Variants in OPHN1 observed in about 807,000 individuals in gnomAD.
OPHN1 encodes oligophrenin-1.
Under a neutral mutation model 60.7 loss-of-function variants are expected in OPHN1, and 11 were observed. That is an observed-to-expected ratio of 0.18 (90% CI 0.11 to 0.30). OPHN1 has a LOEUF of 0.30. Ranked by LOEUF, OPHN1 falls within the 10% of genes least tolerant of loss-of-function variation. The pLI, the probability that OPHN1 is intolerant of heterozygous loss-of-function variation, is 1.00. For synonymous variants in OPHN1, 226 were observed against 222.6 expected, an observed-to-expected ratio of 1.02 and a Z score of -0.14; for missense variants, 449 against 611.0, an observed-to-expected ratio of 0.73 and a Z score of 2.80.
intron 2 of OPHN1, among the ~76,000 whole-genome samples, chrX:68,379,101 G>T (rs1427207697): frequency 4.5e-5 from 5 of 110,540 alleles, no homozygotes; most frequent in Non-Finnish European, 7.6e-5. Flanking sequence ...TATCCTCTTT[G>T]ATTTCATTGA....
At chrX:68,208,971 G>A (rs1318864515) in intron 9 of OPHN1, among the ~76,000 whole-genome samples, 2 of 112,462 alleles carry the variant, frequency 1.8e-5, no homozygotes, top group African/African-American at 6.5e-5. Flanking sequence ...TGACAAGTGG[G>A]AGAACACATC....
intron 2 of OPHN1, among the ~76,000 whole-genome samples, chrX:68,321,349 G>T (rs1356445674): frequency 8.9e-6 from 1 of 111,932 alleles, no homozygotes; most frequent in Non-Finnish European, 1.9e-5. Context: ...TACATATTTT[G>T]CAATATCACA....
At chrX:68,308,137 C>A (rs763851373) in intron 2 of OPHN1, among the ~76,000 whole-genome samples, 2 of 111,892 alleles carry the variant, frequency 1.8e-5, no homozygotes, top group Admixed American at 1.9e-4. Flanking sequence ...TAACTTGCCT[C>A]CCTGGGCCTC....
At chrX:68,056,068 G>A (rs962208197) in intron 21 of OPHN1, among the ~76,000 whole-genome samples, 2 of 110,541 alleles carry the variant, frequency 1.8e-5, no homozygotes, top group Non-Finnish European at 3.8e-5. Context: ...AAACCTGCAC[G>A]TTGTACACAT....
At chrX:68,112,013 A>G (rs935709868) in intron 17 of OPHN1, 54 bp from the exon 18 acceptor site, 2 of 747,725 alleles carry the variant, frequency 2.7e-6, no homozygotes, top group East Asian at 3.2e-5. Flanking sequence ...AACTGGATTG[A>G]GCAAAATTCT....
chrX:68,397,794 A>G (rs1383427850), intron 2 of OPHN1, among the ~76,000 whole-genome samples: 1 of 110,667 alleles, frequency 9.0e-6, no homozygotes, highest in East Asian at 2.9e-4. Flanking sequence ...AAGTGCTGGG[A>G]TTATAGGCAT....
chrX:68,228,693 C>T (rs1487685571), intron 6 of OPHN1, among the ~76,000 whole-genome samples: 1 of 110,971 alleles, frequency 9.0e-6, no homozygotes, highest in African/African-American at 3.3e-5. Flanking sequence ...CAGAAAAGGC[C>T]TATGACAAAA....
intron 12 of OPHN1, 68 bp downstream of exon 12, chrX:68,197,118 G>A: frequency 2.6e-6 from 2 of 762,959 alleles, no homozygotes; most frequent in Non-Finnish European, 4.1e-6. Flanking sequence ...GAGACCCACT[G>A]ATACCACTAG....
intron 2 of OPHN1, among the ~76,000 whole-genome samples, chrX:68,383,451 G>A (rs761885958): frequency 6.5e-5 from 7 of 107,814 alleles, no homozygotes; most frequent in Admixed American, 2.0e-4. Flanking sequence ...AAGAAAATTC[G>A]CCAGGCATGG....
At chrX:68,309,130 T>C (rs2078160838) in intron 2 of OPHN1, among the ~76,000 whole-genome samples, 1 of 110,795 alleles carries the variant, frequency 9.0e-6, no homozygotes, top group Non-Finnish European at 1.9e-5. Context: ...TTTGAGAATA[T>C]AAAAAATACT....
chrX:68,242,214 CAAA>C (rs753856136), intron 5 of OPHN1, among the ~76,000 whole-genome samples: 1 of 24,022 alleles, frequency 4.2e-5, no homozygotes, highest in Non-Finnish European at 9.0e-5. Flanking sequence ...CCCATCTCTA[CAAA>C]AAAAAAAAAA....
At chrX:68,317,343 GAAA>G (rs2078204994) in intron 2 of OPHN1, among the ~76,000 whole-genome samples, 1 of 44,305 alleles carries the variant, frequency 2.3e-5, no homozygotes, top group Admixed American at 2.8e-4. Flanking sequence ...AGAGAGGAAA[GAAA>G]GAAAGAAAGA....
At chrX:68,213,449 A>T (rs191232015) in intron 7 of OPHN1, among the ~76,000 whole-genome samples, 1 of 111,183 alleles carries the variant, frequency 9.0e-6, no homozygotes, top group African/African-American at 3.3e-5. Context: ...ACAAGACAGA[A>T]GTAAAAGTAG....
At chrX:68,380,499 C>G (rs1365709414) in intron 2 of OPHN1, among the ~76,000 whole-genome samples, 2 of 111,123 alleles carry the variant, frequency 1.8e-5, no homozygotes, top group Non-Finnish European at 3.8e-5. Context: ...TCTTGCTTTT[C>G]TAGTTCTTTT....
At chrX:68,288,314 A>G (rs920075042) in intron 3 of OPHN1, among the ~76,000 whole-genome samples, 1 of 111,642 alleles carries the variant, frequency 9.0e-6, no homozygotes, top group South Asian at 3.8e-4. Flanking sequence ...AGAGGACCCC[A>G]TTTCAATGTT....
chrX:68,331,483 G>A (rs927123667), intron 2 of OPHN1, among the ~76,000 whole-genome samples: 3 of 109,520 alleles, frequency 2.7e-5, no homozygotes, highest in Middle Eastern at 4.2e-3. Context: ...AGTAATCTCA[G>A]CACTTTGGGA....
intron 2 of OPHN1, among the ~76,000 whole-genome samples, chrX:68,300,875 T>C (rs1190731312): frequency 8.9e-6 from 1 of 112,553 alleles, no homozygotes; most frequent in Non-Finnish European, 1.9e-5. Context: ...ACAAATACTA[T>C]AATATTCAAC....
At chrX:68,341,970 T>G (rs893959643) in intron 2 of OPHN1, among the ~76,000 whole-genome samples, 10 of 80,826 alleles carry the variant, frequency 1.2e-4, no homozygotes, top group African/African-American at 7.3e-4. Flanking sequence ...TTTTTGGTGT[T>G]TTTTTTTTTT....
chrX:68,183,307 C>T (rs758696325), intron 15 of OPHN1, among the ~76,000 whole-genome samples: 4 of 111,936 alleles, frequency 3.6e-5, no homozygotes, highest in African/African-American at 3.2e-5. Flanking sequence ...AGATACAATA[C>T]TATGGAAGGT....
Sources: allele counts gnomAD v4.1 joint callset (sites outside exome capture counted in the v4.1 genomes callset), GRCh38; gene constraint gnomAD v4.1.1; transcripts MANE v1.5; gene names NCBI Gene and HGNC (gene_info 2026-07-23, HGNC 2026-07-21).